The following CYP2C19 variants were observed in gnomAD, a reference collection of about 807,000 sequenced individuals.
CYP2C19 encodes the protein cytochrome P450 family 2 subfamily C member 19.
In CYP2C19, 59 loss-of-function variants were observed where a neutral mutation model predicts 40.9. The observed-to-expected ratio is 1.44, with a 90% CI of 1.17 to 1.79. The LOEUF is 1.79. Ranked by LOEUF, CYP2C19 falls within the 40% of genes most tolerant of loss-of-function variation. The pLI is 0.00. For missense variants in CYP2C19, 754 were observed against 596.9 expected (o/e 1.26, Z -2.74); for synonymous variants, 253 against 208.7 (o/e 1.21, Z -1.83).
intron 5 of CYP2C19, among the ~76,000 whole-genome samples, chr10:94,813,121 G>A (rs1422212378): frequency 6.6e-6 from 1 of 151,972 alleles, no homozygotes; most frequent in Non-Finnish European, 1.5e-5. Flanking sequence ...TAACAGTCAG[G>A]CCCTTCTGCT....
At chr10:94,782,088 T>C in intron 5 of CYP2C19, 91 bp downstream of exon 5, 1 of 1,065,470 alleles carries the variant, frequency 9.4e-7, no homozygotes, top group South Asian at 1.8e-5. Context: ...GTTTAACAGG[T>C]CAAGGAGTAA....
At chr10:94,780,364 C>T in intron 3 of CYP2C19, 135 bp from the exon 4 acceptor site, 1 of 1,145,402 alleles carries the variant, frequency 8.7e-7, no homozygotes. Flanking sequence ...GCATGCCAAA[C>T]TCTTTTTTGC....
intron 6 of CYP2C19, among the ~76,000 whole-genome samples, chr10:94,821,337 A>G (rs10786172): frequency 0.28 from 43,041 of 152,108 alleles, 7,422 homozygotes; most frequent in Admixed American, 0.43. Context: ...AATTTTTCTC[A>G]TTCTCAAAAC....
chr10:94,778,328 G>A lies in CYP2C19; in HGVS notation c.482-2171G>A, dbSNP rs531300239. Among the ~76,000 whole-genome samples the A allele has an allele frequency of 3.3e-5, 5 of 152,232 alleles. No individual in the cohort carries two copies. The South Asian group carries it at 8.3e-4, about 25-fold the overall frequency. On this transcript the variant is annotated intron_variant, in intron 3 of 8. Transcript: ENST00000371321. ...TCTCCCTCACGGTCAGAGAACAGCT[G>A]CGTTCAGCTATTCTCACCTGAAACT...
At chr10:94,784,116 G>T (rs867979978) in intron 5 of CYP2C19, among the ~76,000 whole-genome samples, 6 of 152,058 alleles carry the variant, frequency 3.9e-5, no homozygotes, top group Admixed American at 2.6e-4. Flanking sequence ...GTCTCTATGG[G>T]TTTGCGTGTT....
At chr10:94,782,907 A>G (rs1002111280) in intron 5 of CYP2C19, among the ~76,000 whole-genome samples, 3 of 152,128 alleles carry the variant, frequency 2.0e-5, no homozygotes, top group Non-Finnish European at 4.4e-5. Flanking sequence ...GCAGTTGAAC[A>G]ATGAGAACAC....
Position 94,848,559 on chromosome 10 carries a change from A to G in CYP2C19, c.1150-1358A>G, listed in dbSNP as rs369425224. On this transcript the variant is annotated intron_variant, in intron 7 of 8. Transcript: ENST00000371321. ...TGGCTTAGGATTGACTTGGCAATGCAGGCTCTTTTTTGGTTCCATATGAAC... is the reference window on the plus strand; with the variant it reads ...TGGCTTAGGATTGACTTGGCAATGCGGGCTCTTTTTTGGTTCCATATGAAC... Among the ~76,000 whole-genome samples the G allele has an allele frequency of 5.1e-3, 774 of 152,236 alleles. 6 individuals are homozygous for G. The highest frequency in any genetic ancestry group is 0.017 in the African/African-American group (716 of 41,558).
intron 5 of CYP2C19, among the ~76,000 whole-genome samples, chr10:94,805,989 A>C (rs1848829681): frequency 6.6e-6 from 1 of 152,184 alleles, no homozygotes; most frequent in Non-Finnish European, 1.5e-5. Context: ...AAGTGTCCAG[A>C]GACGTGGATG....
chr10:94,843,269 T>A (rs1161998844), intron 7 of CYP2C19, among the ~76,000 whole-genome samples: 1 of 152,218 alleles, frequency 6.6e-6, no homozygotes, highest in African/African-American at 2.4e-5. Context: ...TCTTAAGTGG[T>A]TATATTTCCA....
chr10:94,822,215 A>T (rs1271592602), intron 6 of CYP2C19, among the ~76,000 whole-genome samples: 1 of 152,128 alleles, frequency 6.6e-6, no homozygotes, highest in East Asian at 1.9e-4. Flanking sequence ...TGGGTAATTC[A>T]TAAAGGAAAG....
chr10:94,844,982 G>A (rs1052176162), intron 7 of CYP2C19, among the ~76,000 whole-genome samples: 2 of 152,168 alleles, frequency 1.3e-5, no homozygotes, highest in African/African-American at 4.8e-5. Flanking sequence ...CTCATGCTAT[G>A]CCTGGTGTCT....
chr10:94,846,251 C>T (rs1220284127), intron 7 of CYP2C19, among the ~76,000 whole-genome samples: 2 of 151,952 alleles, frequency 1.3e-5, no homozygotes, highest in Non-Finnish European at 2.9e-5. Context: ...GAGTTGAGGC[C>T]TTTAGTCATT....
At chr10:94,779,813 G>C (rs959375734) in intron 3 of CYP2C19, among the ~76,000 whole-genome samples, 11 of 152,002 alleles carry the variant, frequency 7.2e-5, no homozygotes, top group Non-Finnish European at 1.3e-4. Context: ...ACCTGCCTTG[G>C]CCTCCCAAAG....
At chr10:94,812,505 G>A (rs1159291913) in intron 5 of CYP2C19, among the ~76,000 whole-genome samples, 1 of 152,030 alleles carries the variant, frequency 6.6e-6, no homozygotes, top group African/African-American at 2.4e-5. Flanking sequence ...TCACTTTCAG[G>A]TACACCAATC....
chr10:94,852,712 C>T (rs755983958), intron 8 of CYP2C19, 21 bp from the exon 9 acceptor site: 1 of 1,612,724 alleles, frequency 6.2e-7, no homozygotes, highest in Non-Finnish European at 8.5e-7. Context: ...AGTAACTTCT[C>T]CCTATGTTTG....
Position 94,820,492 on chromosome 10 carries a change from C to A in CYP2C19, c.820-4C>A. The A allele has an allele frequency of 6.2e-7, 1 of 1,613,980 alleles. No individual in the cohort carries two copies. The highest frequency in any genetic ancestry group is 8.5e-7 in the Non-Finnish European group (1 of 1,179,970). On this transcript the variant is annotated splice_polypyrimidine_tract_variant and splice_region_variant and intron_variant, in intron 5 of 8. Transcript: ENST00000371321. ...GTCAGATAATTGCATCAAATCATTCCTAGGAAAAGCAAAACCAACAGTCTG... is the reference window on the plus strand; with the variant it reads ...GTCAGATAATTGCATCAAATCATTCATAGGAAAAGCAAAACCAACAGTCTG...
At chr10:94,804,606 G>C (rs1233280581) in intron 5 of CYP2C19, among the ~76,000 whole-genome samples, 1 of 152,166 alleles carries the variant, frequency 6.6e-6, no homozygotes, top group Admixed American at 6.5e-5. Flanking sequence ...GCTCTCCCTT[G>C]ACCTGGGTTG....
intron 5 of CYP2C19, among the ~76,000 whole-genome samples, chr10:94,790,987 C>T (rs1050819164): frequency 1.3e-5 from 2 of 152,070 alleles, no homozygotes; most frequent in Non-Finnish European, 2.9e-5. Context: ...GCTGTGAATC[C>T]CTCTGGTTCT....
At chr10:94,824,836 G>A (rs1263793015) in intron 6 of CYP2C19, among the ~76,000 whole-genome samples, 2 of 130,526 alleles carry the variant, frequency 1.5e-5, no homozygotes, top group Admixed American at 9.1e-5. Context: ...TCCCCAGAGT[G>A]TGATATTCCC....
Sources: allele counts gnomAD v4.1 joint callset (sites outside exome capture counted in the v4.1 genomes callset), GRCh38; gene constraint gnomAD v4.1.1; transcripts MANE v1.5; gene names NCBI Gene and HGNC (gene_info 2026-07-23, HGNC 2026-07-21).